The following KHDRBS2 variants were observed in gnomAD, a reference collection of about 807,000 sequenced individuals.
KHDRBS2 encodes the protein KH domain-containing, RNA-binding, signal transduction-associated protein 2.
Under a neutral mutation model 44.3 loss-of-function variants are expected in KHDRBS2, and 26 were observed. That is an observed-to-expected ratio of 0.59 (90% CI 0.43 to 0.81). The LOEUF is 0.81. KHDRBS2 is among the 40% of genes least tolerant of loss of function. The pLI is 0.00. For synonymous variants in KHDRBS2, 194 were observed against 151.1 expected (o/e 1.28, Z -2.08); for missense variants, 476 against 433.1 (o/e 1.10, Z -0.88).
chr6:61,814,399 G>A (rs1423055149), intron 6 of KHDRBS2, among the ~76,000 whole-genome samples: 1 of 152,096 alleles, frequency 6.6e-6, no homozygotes, highest in Non-Finnish European at 1.5e-5. Context: ...ATGAGGTCAG[G>A]AGATCGAGAC....
At chr6:61,574,289 T>C in the KHDRBS2 span, 1 of 1,420,442 alleles carries the variant, frequency 7.0e-7, no homozygotes, top group Non-Finnish European at 9.6e-7. Context: ...CGTGCAAAGG[T>C]AGCATGATCA....
intron 6 of KHDRBS2, among the ~76,000 whole-genome samples, chr6:61,812,398 T>C (rs1788254392): frequency 6.6e-6 from 1 of 152,126 alleles, no homozygotes; most frequent in Admixed American, 6.6e-5. Context: ...AAGACAATGC[T>C]TATTAAATGC....
chr6:62,074,080 T>C (rs993254060), intron 2 of KHDRBS2, among the ~76,000 whole-genome samples: 4 of 151,770 alleles, frequency 2.6e-5, no homozygotes, highest in African/African-American at 9.7e-5. Context: ...TTAGGAGCCA[T>C]CAGAGCAGAA....
At chr6:62,120,079 T>G (rs189033918) in intron 2 of KHDRBS2, among the ~76,000 whole-genome samples, 2 of 152,252 alleles carry the variant, frequency 1.3e-5, no homozygotes, top group East Asian at 1.9e-4. Flanking sequence ...CAGGCTGAAT[T>G]TATTGATTTG....
At position 61,701,168 on chromosome 6, in the gene KHDRBS2, T is replaced by C. The variant is rs1768595866; in HGVS notation, c.894-3915A>G. ...CTGGATATACTTTGCTCGAGAAAAA[T>C]GTTGAACAAAGCCCAACTATTGGTG... is the stretch of plus-strand genomic sequence containing the variant. On this transcript the variant is annotated intron_variant, in intron 7 of 8. Transcript: ENST00000281156. Among the ~76,000 whole-genome samples, 7 of 151,934 alleles carry C rather than the reference T, an allele frequency of 4.6e-5. No individual in the cohort carries two copies. The South Asian group carries it at 1.5e-3, about 31-fold the overall frequency.
At chr6:61,903,922 C>T (rs956204925) in intron 4 of KHDRBS2, among the ~76,000 whole-genome samples, 4 of 152,180 alleles carry the variant, frequency 2.6e-5, no homozygotes, top group Non-Finnish European at 5.9e-5. Flanking sequence ...CTAAGCCATC[C>T]TGTCCCAGTC....
the KHDRBS2 span, among the ~76,000 whole-genome samples, chr6:61,569,200 G>T: frequency 1.3e-5 from 2 of 152,044 alleles, no homozygotes; most frequent in African/African-American, 4.8e-5. Context: ...ATGGGTCTGA[G>T]AACCACCCTC....
the KHDRBS2 span, among the ~76,000 whole-genome samples, chr6:61,593,359 G>A: frequency 1.8e-4 from 27 of 152,096 alleles, no homozygotes; most frequent in Admixed American, 1.6e-3. Flanking sequence ...GAGAGTCACA[G>A]CCAGATACTG....
At chr6:61,775,260 G>A (rs971221743) in intron 6 of KHDRBS2, among the ~76,000 whole-genome samples, 12 of 151,790 alleles carry the variant, frequency 7.9e-5, no homozygotes, top group Admixed American at 2.6e-4. Flanking sequence ...CTCACCACTC[G>A]TACTAAACAT....
At chr6:61,574,208 C>T in the KHDRBS2 span, 5 of 722,578 alleles carry the variant, frequency 6.9e-6, no homozygotes, top group South Asian at 3.1e-5. Context: ...AAAAACATCA[C>T]CTCTAGCATT....
Position 62,277,499 on chromosome 6 carries a change from G to A in KHDRBS2, c.91+8359C>T, listed in dbSNP as rs369782727. Reference sequence around the variant, plus strand: ...TGGGACTACAGGCGCCCGCCACCACGCCTGGCTAATTTTTTTGTATTTTTA... The same window carrying A: ...TGGGACTACAGGCGCCCGCCACCACACCTGGCTAATTTTTTTGTATTTTTA... On this transcript the variant is annotated intron_variant, in intron 1 of 8. Transcript: ENST00000281156. Among the ~76,000 whole-genome samples, 12 of 152,020 alleles carry A rather than the reference G, an allele frequency of 7.9e-5. No individual in the cohort carries two copies. The East Asian group carries it at 2.3e-3, about 29-fold the overall frequency.
At chr6:62,260,636 T>C (rs1420785581) in intron 1 of KHDRBS2, among the ~76,000 whole-genome samples, 1 of 151,990 alleles carries the variant, frequency 6.6e-6, no homozygotes, top group African/African-American at 2.4e-5. Flanking sequence ...CTTTTTTACC[T>C]GGAATTCCTG....
At chr6:62,122,208 T>C (rs1026963951) in intron 2 of KHDRBS2, among the ~76,000 whole-genome samples, 3 of 152,170 alleles carry the variant, frequency 2.0e-5, no homozygotes, top group Non-Finnish European at 4.4e-5. Context: ...GGGATGCTAT[T>C]TGGAGCCTTT....
chr6:62,041,120 C>T (rs1017794850), intron 3 of KHDRBS2, among the ~76,000 whole-genome samples: 28 of 151,990 alleles, frequency 1.8e-4, no homozygotes, highest in Admixed American at 1.4e-3. Context: ...CACCTGAGGT[C>T]GGGAGTTCAA....
At chr6:61,817,015 T>C (rs561711463) in intron 6 of KHDRBS2, 1 of 455,714 alleles carries the variant, frequency 2.2e-6, no homozygotes, top group Admixed American at 2.4e-5. Flanking sequence ...GCTGAAACAT[T>C]AAGGAGAGGT....
rs964720179 is a variant in KHDRBS2, at chr6:62,285,846, G to C, written c.91+12C>G. 2.5e-6 allele frequency: 4 copies of C among 1,605,152 alleles called. No individual in the cohort carries two copies. The highest frequency in any genetic ancestry group is 1.6e-4 in the Middle Eastern group (1 of 6,062). On this transcript the variant is annotated intron_variant, in intron 1 of 8. Coordinates refer to ENST00000281156, the MANE Select transcript of KHDRBS2 (RefSeq NM_152688.4). ...CCGGCGGTTTGTGCCCATCTGTGGGGGCAAGTCCTACCTTCTGCCAAAAGG... is the reference window on the plus strand; with the variant it reads ...CCGGCGGTTTGTGCCCATCTGTGGGCGCAAGTCCTACCTTCTGCCAAAAGG...
intron 7 of KHDRBS2, among the ~76,000 whole-genome samples, chr6:61,706,653 G>C (rs1561998786): frequency 6.6e-6 from 1 of 151,682 alleles, no homozygotes; most frequent in Non-Finnish European, 1.5e-5. Context: ...TAAGTATTTA[G>C]AGTACCAGTA....
At chr6:61,615,707 C>A in the KHDRBS2 span, among the ~76,000 whole-genome samples, 1 of 152,142 alleles carries the variant, frequency 6.6e-6, no homozygotes, top group Non-Finnish European at 1.5e-5. Context: ...CTCATTGAAA[C>A]ATTTTGGATT....
intron 6 of KHDRBS2, among the ~76,000 whole-genome samples, chr6:61,819,985 C>T (rs1369723034): frequency 6.6e-6 from 1 of 151,976 alleles, no homozygotes; most frequent in Non-Finnish European, 1.5e-5. Flanking sequence ...AGCATTTTAT[C>T]CTTTATTTTC....
Sources: gnomAD v4.1 joint callset for allele counts (sites outside exome capture counted in the v4.1 genomes callset) on GRCh38, gnomAD v4.1.1 for gene constraint, MANE v1.5 for transcripts, NCBI Gene and HGNC (gene_info 2026-07-23, HGNC 2026-07-21) for gene names.